Variants in HDGFL2 observed in about 807,000 individuals in gnomAD.
The protein encoded by HDGFL2 is hepatoma-derived growth factor-related protein 2.
Under a neutral mutation model 77.1 loss-of-function variants are expected in HDGFL2, and 36 were observed. The ratio of observed to expected loss-of-function variants is 0.47; its 90% confidence interval spans 0.36 to 0.62. The LOEUF is 0.62. Among genes scored for constraint, HDGFL2 ranks in the 20% least tolerant of loss-of-function variants. The pLI, the probability that HDGFL2 is intolerant of heterozygous loss-of-function variation, is 0.00. For missense variants in HDGFL2, 976 were observed against 973.4 expected (o/e 1.00, Z -0.04); for synonymous variants, 463 against 413.1 (o/e 1.12, Z -1.46).
chr19:4,473,632 CAG>C (rs1974999896), intron 1 of HDGFL2, among the ~76,000 whole-genome samples: 4 of 114,018 alleles, frequency 3.5e-5, no homozygotes, highest in Middle Eastern at 5.3e-3. Flanking sequence ...AGGAGGCAGT[CAG>C]GGGGGAAGGT....
At chr19:4,484,934 G>A (rs2145175775) in intron 3 of HDGFL2, among the ~76,000 whole-genome samples, 1 of 152,084 alleles carries the variant, frequency 6.6e-6, no homozygotes, top group African/African-American at 2.4e-5. Context: ...GCCTCCCAAA[G>A]TGCTGGGATT....
chr19:4,497,746 G>A (rs952758709), intron 10 of HDGFL2: 12 of 569,040 alleles, frequency 2.1e-5, no homozygotes, highest in African/African-American at 1.1e-4. Context: ...GAAAAGGCTT[G>A]TATCTTTGGG....
chr19:4,476,324 C>A (rs550004248), intron 3 of HDGFL2, among the ~76,000 whole-genome samples: 3 of 150,930 alleles, frequency 2.0e-5, no homozygotes, highest in African/African-American at 7.3e-5. Flanking sequence ...GCCCGAGTTG[C>A]TGGGATTACA....
At chr19:4,486,800 T>C (rs1319607639) in intron 3 of HDGFL2, among the ~76,000 whole-genome samples, 4 of 152,162 alleles carry the variant, frequency 2.6e-5, no homozygotes, top group Non-Finnish European at 5.9e-5. Context: ...CATATGGGTA[T>C]ATGTCAGCTT....
Position 4,493,807 on chromosome 19 carries a change from C to A in HDGFL2, c.783C>A (p.Ser261=), listed in dbSNP as rs778099119. 6.5e-7 allele frequency: 1 copy of A among 1,540,668 alleles called. No individual in the cohort carries two copies. The highest frequency in any genetic ancestry group is 8.8e-7 in the Non-Finnish European group (1 of 1,139,980). ...CGGCGTCCTCCTCCTCCTCTTCCTC[C>A]TCCTCCTCCGACTCCGATGTGTCTG... is the stretch of plus-strand genomic sequence containing the variant. The part of the protein sequence containing the change: ...ARSASSSSSS[S]SSSDSDVSVK... Residue 261 remains serine (S), a synonymous_variant, in exon 7 of 16, where the codon TCC becomes TCA. Transcript: ENST00000616600.
rs71168907 is a variant in HDGFL2 at position 4,484,666 on chromosome 19, A to ATTTT, written c.289-3990_289-3987dup. On this transcript the variant is annotated intron_variant, in intron 3 of 15. Transcript: ENST00000616600. Reference sequence around the variant, plus strand: ...AGGCACCCGCCATCACGCCTGGCTAATTTTTTTTTTTTTTTTTTTTTTTGA... The same window carrying ATTTT: ...AGGCACCCGCCATCACGCCTGGCTAATTTTTTTTTTTTTTTTTTTTTTTTTTTGA... Among the ~76,000 whole-genome samples, 6 of 74,114 alleles carry ATTTT rather than the reference A, an allele frequency of 8.1e-5. 1 individual carries two copies. The highest frequency in any genetic ancestry group is 1.2e-4 in the Non-Finnish European group (5 of 40,968). The allele number at this position is 74,114 out of a possible 152,430, so 48.6% of individuals were successfully genotyped here.
chr19:4,488,830 A>T lies in HDGFL2; in HGVS notation c.443A>T (p.Lys148Met). The T allele has an allele frequency of 6.4e-7, 1 of 1,551,678 alleles. No homozygotes were observed. The highest frequency in any genetic ancestry group is 8.7e-7 in the Non-Finnish European group (1 of 1,147,036). The change falls in exon 4 of 16, where the codon AAG (lysine) becomes ATG (methionine). Residue 148 changes from lysine to methionine, a missense_variant. By Grantham distance (95) the Lys-to-Met change is moderately conservative (BLOSUM62 -1). This residue lies in a region of HDGFL2 where 567 missense variants were observed against 534.7 expected (regional missense o/e 1.06). Coordinates refer to ENST00000616600, the MANE Select transcript of HDGFL2 (RefSeq NM_001001520.3). ...ATGGAGAGCGACTCAGACTCAGACA[A>T]GAGTAGCGACAACAGTGGCCTGAAG... The part of the protein sequence containing the change: ...DRMESDSDSD[K>M]SSDNSGLKRK...
rs892097062 is a variant in HDGFL2, at chr19:4,502,079, G to A, written c.*69G>A. 4 of 1,087,546 alleles carry A rather than the reference G, an allele frequency of 3.7e-6. No individual in the cohort carries two copies. Among genetic ancestry groups the A allele is most frequent in the South Asian group, 2.7e-5 (2 of 75,036 alleles). The allele number at this position is 1,087,546 out of a possible 1,614,324, so 67.4% of individuals were successfully genotyped here. On this transcript the variant is annotated 3_prime_UTR_variant, in exon 16 of 16. Transcript: ENST00000616600. ...CCCTCTCCTTCCCCGGCTCGCAGGA[G>A]AGCAGAGCAGAGAACTGTGGGGAAC...
At chr19:4,486,512 C>T (rs1321432503) in intron 3 of HDGFL2, 1 of 144,284 alleles carries the variant, frequency 6.9e-6, no homozygotes, top group East Asian at 2.0e-4. Flanking sequence ...GCAACAAGAG[C>T]GAAATTCCAT....
chr19:4,479,560 G>A (rs1599701792), intron 3 of HDGFL2, among the ~76,000 whole-genome samples: 1 of 141,914 alleles, frequency 7.0e-6, no homozygotes, highest in Admixed American at 7.4e-5. Context: ...CAGCCTGGGC[G>A]ACACAGCGAG....
intron 3 of HDGFL2, among the ~76,000 whole-genome samples, chr19:4,476,189 CTTT>C (rs34154932): frequency 3.5e-4 from 29 of 83,954 alleles, no homozygotes; most frequent in Middle Eastern, 0.011. Context: ...TGTGCCCAGC[CTTT>C]TTTTTTTTTT....
At chr19:4,501,451 C>T in intron 15 of HDGFL2, 134 bp downstream of exon 15, 3 of 1,085,690 alleles carry the variant, frequency 2.8e-6, no homozygotes, top group Non-Finnish European at 3.8e-6. Flanking sequence ...TCGGGCCTCC[C>T]ACCTTCACAG....
chr19:4,501,239 G>C lies in HDGFL2; in HGVS notation c.1838G>C (p.Ser613Thr), dbSNP rs1428843612. The C allele has an allele frequency of 1.2e-6, 2 of 1,613,844 alleles. No homozygotes were observed. The highest frequency in any genetic ancestry group is 2.2e-5 in the South Asian group (2 of 91,084). The change falls in exon 15 of 16, where the codon AGC becomes ACC. Residue 613 changes from serine (S) to threonine (T), a missense_variant. By Grantham distance (58) the Ser-to-Thr change is moderately conservative. Transcript: ENST00000616600. Reference sequence around the variant, plus strand: ...GAGGCCACATCACAGAAGGGGGAGAGCGCAGAGGACAAGGAGCACGAGGAG... The same window carrying C: ...GAGGCCACATCACAGAAGGGGGAGACCGCAGAGGACAAGGAGCACGAGGAG... ...NGEATSQKGE[S>T]AEDKEHEEGR... is the part of the protein sequence containing the mutation.
At position 4,496,366 on chromosome 19, in the gene HDGFL2, A is replaced by G; in HGVS notation, c.1289A>G (p.Lys430Arg). 6.2e-7 allele frequency: 1 copy of G among 1,614,014 alleles called. No individual in the cohort carries two copies. Among genetic ancestry groups the G allele is most frequent in the South Asian group, 1.1e-5 (1 of 91,076 alleles). Residue 430 changes from lysine to arginine, a missense_variant, in exon 10 of 16, where the codon AAG becomes AGG. This residue lies in a region of HDGFL2 where 567 missense variants were observed against 534.7 expected (regional missense o/e 1.06). Transcript: ENST00000616600. ...GAGCCCGCCAGGAAACCTGGCCAGA[A>G]GGAGAAGAGAGTGCGGCCCGAGGAG... is the stretch of plus-strand genomic sequence containing the variant. ...STEPARKPGQ[K>R]EKRVRPEEKQ...
intron 6 of HDGFL2, 141 bp from the exon 7 acceptor site, chr19:4,493,562 G>A (rs1232185456): frequency 8.7e-7 from 1 of 1,150,010 alleles, no homozygotes; most frequent in Non-Finnish European, 1.1e-6. Context: ...TTGTGGGTGG[G>A]AGGGGATTCG....
At chr19:4,477,069 G>T (rs1975091911) in intron 3 of HDGFL2, among the ~76,000 whole-genome samples, 1 of 152,158 alleles carries the variant, frequency 6.6e-6, no homozygotes, top group Admixed American at 6.5e-5. Flanking sequence ...GCGAGTGGAG[G>T]ATGCAGTCTC....
At chr19:4,501,729 C>T (rs538393361) in intron 15 of HDGFL2, 182 bp from the exon 16 acceptor site, 13 of 536,368 alleles carry the variant, frequency 2.4e-5, no homozygotes, top group East Asian at 3.2e-5. Context: ...CTGGCGCCAG[C>T]GTGGGGACCC....
intron 4 of HDGFL2, among the ~76,000 whole-genome samples, chr19:4,490,907 G>C (rs141742577): frequency 0.084 from 12,819 of 151,798 alleles, 722 homozygotes; most frequent in Middle Eastern, 0.17. Context: ...TGCCTCCCAG[G>C]TTCAAGCGAT....
chr19:4,484,956 C>T (rs1263841036), intron 3 of HDGFL2, among the ~76,000 whole-genome samples: 1 of 152,084 alleles, frequency 6.6e-6, no homozygotes, highest in Admixed American at 6.6e-5. Context: ...CAGGCATGAG[C>T]CACCGTGCCC....
Sources: allele counts gnomAD v4.1 joint callset (sites outside exome capture counted in the v4.1 genomes callset), GRCh38; gene constraint gnomAD v4.1.1; regional missense constraint gnomAD v4.1.1; transcripts MANE v1.5; gene names NCBI Gene and HGNC (gene_info 2026-07-23, HGNC 2026-07-21).